SNX31: variants seen among roughly 807,000 people sequenced by gnomAD.
SNX31 encodes the protein sorting nexin-31.
A neutral mutation model predicts 65.4 loss-of-function variants in SNX31; 58 were observed. That is an observed-to-expected ratio of 0.89 (90% CI 0.72 to 1.10). The LOEUF (loss-of-function observed/expected upper bound fraction) is 1.10, where lower values mean the gene tolerates loss of function less well. SNX31 is among the 50% of genes least tolerant of loss of function. The pLI is 0.00. For missense variants in SNX31, 523 were observed against 529.7 expected, an observed-to-expected ratio of 0.99 and a Z score of 0.12; for synonymous variants, 181 against 190.1, an observed-to-expected ratio of 0.95 and a Z score of 0.39.
At chr8:100,601,036 A>G (rs1269460810) in intron 8 of SNX31, among the ~76,000 whole-genome samples, 2 of 152,236 alleles carry the variant, frequency 1.3e-5, no homozygotes, top group Non-Finnish European at 2.9e-5. Context: ...AGTTCCAAAT[A>G]ATAAGTATAT....
rs1813056789 is a variant in SNX31 at position 100,576,514 on chromosome 8, G to A, written c.1227+505C>T. Among the ~76,000 whole-genome samples the A allele has an allele frequency of 6.6e-6, 1 of 152,188 alleles. No individual in the cohort carries two copies. Among genetic ancestry groups the A allele is most frequent in the South Asian group, 2.1e-4 (1 of 4,824 alleles). On this transcript the variant is annotated intron_variant, in intron 13 of 13. Coordinates refer to ENST00000311812, the MANE Select transcript of SNX31 (RefSeq NM_152628.4). The surrounding 1 kb of genome is among the most constrained non-coding windows in gnomAD (Gnocchi z 4.8). ...TCAACTTATTTATAGGGCTGTGAAG[G>A]AATGTGTTAATTCACATAAAAGTGC...
chr8:100,645,945 G>A (rs542018750), intron 2 of SNX31, among the ~76,000 whole-genome samples: 4 of 152,146 alleles, frequency 2.6e-5, no homozygotes, highest in Non-Finnish European at 5.9e-5. Flanking sequence ...GAATGATGAT[G>A]ATGATTGAAC....
chr8:100,643,530 G>C (rs1323371361), intron 2 of SNX31, among the ~76,000 whole-genome samples: 3 of 152,308 alleles, frequency 2.0e-5, no homozygotes, highest in Non-Finnish European at 2.9e-5. Context: ...TAGCACCTAA[G>C]AGCATGGCCT....
chr8:100,608,329 A>ACC (rs11418392), intron 8 of SNX31, among the ~76,000 whole-genome samples, 165 bp downstream of exon 8: 5 of 151,756 alleles, frequency 3.3e-5, no homozygotes, highest in South Asian at 2.1e-4. Context: ...CTTCTTCTCC[A>ACC]CCCCCCACAG....
At chr8:100,649,814 C>T (rs938647976), upstream of SNX31, 8 of 387,412 alleles carry the variant, frequency 2.1e-5, no homozygotes, top group African/African-American at 6.4e-5. Context: ...GGCATTTTCT[C>T]CAAGAAGGCC....
chr8:100,661,460 G>T (rs1011567250), intron 1 of SNX31, among the ~76,000 whole-genome samples: 1 of 152,186 alleles, frequency 6.6e-6, no homozygotes, highest in Non-Finnish European at 1.5e-5. Context: ...GACTGGAACT[G>T]AGTGTTGGCT....
chr8:100,633,095 A>G (rs1433367250), intron 3 of SNX31, among the ~76,000 whole-genome samples: 2 of 150,164 alleles, frequency 1.3e-5, no homozygotes, highest in Admixed American at 1.3e-4. Context: ...ATTTTTATTT[A>G]TTTTTTATTT....
chr8:100,659,271 A>G (rs557284797), intron 1 of SNX31, among the ~76,000 whole-genome samples: 6 of 146,146 alleles, frequency 4.1e-5, no homozygotes, highest in African/African-American at 1.3e-4. Context: ...GCTTGAACCC[A>G]GGAGGCGGAG....
At position 100,596,623 on chromosome 8, in the gene SNX31, G is replaced by T. The variant is rs779927508; in HGVS notation, c.978+16C>A. 6.2e-7 allele frequency: 1 copy of T among 1,610,790 alleles called. No individual in the cohort carries two copies. The highest frequency in any genetic ancestry group is 2.2e-5 in the East Asian group (1 of 44,870). ...ATTTTTAAGTCATGGGCAAAGCAAG[G>T]TGCCAAGATACTCACAAGGAAAGTG... is the stretch of plus-strand genomic sequence containing the variant. On this transcript the variant is annotated intron_variant, in intron 10 of 13. Transcript: ENST00000311812.
intron 4 of SNX31, chr8:100,618,711 A>C (rs946465233): frequency 3.6e-6 from 1 of 279,956 alleles, no homozygotes; most frequent in African/African-American, 2.2e-5. Flanking sequence ...TTACTGGCTT[A>C]TTATAAAGGC....
Position 100,612,419 on chromosome 8 carries a change from A to G in SNX31, c.524-332T>C, listed in dbSNP as rs1816794896. ...CACAAGCCCCTTAACTTCCAACTCAAAACCACCTCCCCTGGCTTCTTGAGG... is the reference window on the plus strand; with the variant it reads ...CACAAGCCCCTTAACTTCCAACTCAGAACCACCTCCCCTGGCTTCTTGAGG... On this transcript the variant is annotated intron_variant, in intron 6 of 13. Coordinates refer to ENST00000311812, the MANE Select transcript of SNX31 (RefSeq NM_152628.4). The surrounding 1 kb of genome is among the most constrained non-coding windows in gnomAD (Gnocchi z 4.3). 6.6e-6 allele frequency among the ~76,000 whole-genome samples: 1 copy of G among 152,056 alleles called. No individual in the cohort carries two copies. Among genetic ancestry groups the G allele is most frequent in the Non-Finnish European group, 1.5e-5 (1 of 68,020 alleles).
chr8:100,645,558 A>G (rs1009487620), intron 2 of SNX31, among the ~76,000 whole-genome samples: 1 of 150,532 alleles, frequency 6.6e-6, no homozygotes. Context: ...TAATTGGGAG[A>G]CTTTGTATTT....
chr8:100,624,822 G>A (rs1817939287), intron 4 of SNX31, among the ~76,000 whole-genome samples: 2 of 151,472 alleles, frequency 1.3e-5, no homozygotes, highest in South Asian at 4.2e-4. Flanking sequence ...TTTTTTTAAA[G>A]TCAGGGTCTT....
At chr8:100,606,545 T>C (rs1005356348) in intron 8 of SNX31, among the ~76,000 whole-genome samples, 5 of 152,182 alleles carry the variant, frequency 3.3e-5, no homozygotes, top group African/African-American at 1.2e-4. Context: ...CGCCCTCTGG[T>C]AAGCCAGGGT....
In SNX31 at chr8:100,609,067, T is replaced by G. The variant is rs1402065588; in HGVS notation, c.612-504A>C. On this transcript the variant is annotated intron_variant, in intron 7 of 13. Coordinates refer to ENST00000311812, the MANE Select transcript of SNX31 (RefSeq NM_152628.4). This position sits in a 1 kb window ranked among gnomAD's most constrained non-coding sequence, Gnocchi z 4.9. ...ACCAGAGTGGTCTTTCCTGTGAAAC[T>G]TTTCAGACTCTCATTGTTCCTGGAG... is the stretch of plus-strand genomic sequence containing the variant. 1.3e-5 allele frequency among the ~76,000 whole-genome samples: 2 copies of G among 152,178 alleles called. No homozygotes were observed. Among genetic ancestry groups the G allele is most frequent in the Non-Finnish European group, 1.5e-5 (1 of 68,044 alleles).
chr8:100,661,927 C>T (rs1809794681), intron 1 of SNX31, among the ~76,000 whole-genome samples: 1 of 152,116 alleles, frequency 6.6e-6, no homozygotes. Flanking sequence ...CAGGCTCAAA[C>T]AATTCTCGTG....
chr8:100,587,568 A>G (rs766073261), intron 11 of SNX31, among the ~76,000 whole-genome samples: 1 of 152,214 alleles, frequency 6.6e-6, no homozygotes, highest in Non-Finnish European at 1.5e-5. Flanking sequence ...GTGAATAAGT[A>G]TAAGAAATGG....
intron 10 of SNX31, among the ~76,000 whole-genome samples, chr8:100,593,035 T>C (rs1421913931): frequency 6.6e-6 from 1 of 152,108 alleles, no homozygotes; most frequent in Admixed American, 6.5e-5. Flanking sequence ...GCTGGGGGGA[T>C]AGGAAAGTGA....
Position 100,604,687 on chromosome 8 carries a change from G to C in SNX31, c.681+3807C>G, listed in dbSNP as rs1344548281. 6.6e-6 allele frequency among the ~76,000 whole-genome samples: 1 copy of C among 152,258 alleles called. No homozygotes were observed. Among genetic ancestry groups the C allele is most frequent in the Non-Finnish European group, 1.5e-5 (1 of 68,042 alleles). Reference sequence around the variant, plus strand: ...TGTATACTTACTTATAGTTTTAAATGCAATCTCTCATTTTTAAACTCAGGT... The same window carrying C: ...TGTATACTTACTTATAGTTTTAAATCCAATCTCTCATTTTTAAACTCAGGT... On this transcript the variant is annotated intron_variant, in intron 8 of 13. Coordinates refer to ENST00000311812, the MANE Select transcript of SNX31 (RefSeq NM_152628.4). The surrounding 1 kb of genome is among the most constrained non-coding windows in gnomAD (Gnocchi z 4.3).
Sources: allele counts gnomAD v4.1 joint callset (sites outside exome capture counted in the v4.1 genomes callset), GRCh38; gene constraint gnomAD v4.1.1; non-coding constraint Gnocchi (gnomAD v3.1); transcripts MANE v1.5; gene names NCBI Gene and HGNC (gene_info 2026-07-23, HGNC 2026-07-21).